The following AHCTF1 variants were observed in gnomAD, a reference collection of about 807,000 sequenced individuals.
AHCTF1 encodes protein ELYS.
A neutral mutation model predicts 248.4 loss-of-function variants in AHCTF1; 24 were observed. The ratio of observed to expected loss-of-function variants is 0.10; its 90% CI spans 0.07 to 0.14. The LOEUF is 0.14. Among genes scored for constraint, AHCTF1 ranks in the 10% least tolerant of loss-of-function variants. AHCTF1 has a pLI of 1.00. For missense variants in AHCTF1, 2,206 were observed against 2,636.2 expected, an observed-to-expected ratio of 0.84 and a Z score of 3.57; for synonymous variants, 786 against 929.8, an observed-to-expected ratio of 0.85 and a Z score of 2.81.
chr1:246,929,932 A>C (rs181257988), intron 1 of AHCTF1, among the ~76,000 whole-genome samples: 1 of 151,894 alleles, frequency 6.6e-6, no homozygotes, highest in Non-Finnish European at 1.5e-5. Flanking sequence ...TGCGCCTGTA[A>C]TCCCAGCTAC....
rs563750796 is a variant in AHCTF1 at position 246,873,205 on chromosome 1, C to T, written c.3088+2832G>A. ...TACTCTTGATATATTCAAACTTTCT[C>T]CCTTATAGAACTCTCTATACTCATT... On this transcript the variant is annotated intron_variant, in intron 24 of 35. Transcript: ENST00000648844. Among the ~76,000 whole-genome samples the T allele has an allele frequency of 2.6e-5, 4 of 152,282 alleles. No homozygotes were observed. The South Asian group carries it at 8.3e-4, about 32-fold the overall frequency.
intron 1 of AHCTF1, among the ~76,000 whole-genome samples, chr1:246,920,786 T>A (rs1260155510): frequency 2.2e-5 from 3 of 135,902 alleles, no homozygotes; most frequent in African/African-American, 5.6e-5. Flanking sequence ...AAAAAAAAAA[T>A]TATTAAACAA....
At chr1:246,844,336 G>T (rs1374729399) in intron 33 of AHCTF1, among the ~76,000 whole-genome samples, 1 of 152,178 alleles carries the variant, frequency 6.6e-6, no homozygotes, top group South Asian at 2.1e-4. Context: ...TACAAAGTAG[G>T]TTTTTTATTT....
At chr1:246,853,402 T>TATTA (rs2103048787) in intron 31 of AHCTF1, 103 bp from the exon 32 acceptor site, 1 of 878,326 alleles carries the variant, frequency 1.1e-6, no homozygotes, top group Admixed American at 3.0e-5. Context: ...TTGAATAGTG[T>TATTA]ATTAATAAAC....
chr1:246,854,677 G>A (rs1242891354), intron 31 of AHCTF1, among the ~76,000 whole-genome samples: 3 of 151,974 alleles, frequency 2.0e-5, no homozygotes, highest in Non-Finnish European at 4.4e-5. Context: ...TACATGCAAG[G>A]GGCTTAATCC....
At chr1:246,919,113 G>T (rs1029957166) in intron 1 of AHCTF1, among the ~76,000 whole-genome samples, 3 of 152,136 alleles carry the variant, frequency 2.0e-5, no homozygotes, top group Non-Finnish European at 4.4e-5. Flanking sequence ...AATACAGAAA[G>T]ATTTTAGCCA....
At position 246,849,688 on chromosome 1, in the gene AHCTF1, C is replaced by T; in HGVS notation, c.6318G>A (p.Leu2106=). 6 of 1,613,998 alleles carry T rather than the reference C, an allele frequency of 3.7e-6. No homozygotes were observed. Among genetic ancestry groups the T allele is most frequent in the Non-Finnish European group, 4.2e-6 (5 of 1,179,880 alleles). ...SSRTRSSKAI[L]LPDLSEPNNE... is the part of the protein sequence containing the mutation. ...TGTTTGGTTCAGAAAGGTCCGGCAA[C>T]AAGATGGCCTTGCTAGACCGAGTCC... Residue 2106 remains leucine, a synonymous_variant, in exon 33 of 36, where the codon TTG becomes TTA. Transcript: ENST00000648844.
chr1:246,843,325 T>G (rs897501914), intron 34 of AHCTF1, among the ~76,000 whole-genome samples: 1 of 152,246 alleles, frequency 6.6e-6, no homozygotes, highest in Non-Finnish European at 1.5e-5. Context: ...AGTTGAACTG[T>G]AGGTGCCTGA....
intron 24 of AHCTF1, among the ~76,000 whole-genome samples, chr1:246,874,424 T>G (rs905729694): frequency 6.6e-6 from 1 of 152,174 alleles, no homozygotes; most frequent in Admixed American, 6.5e-5. Context: ...CTAAACCTTT[T>G]GACTTATCTG....
intron 3 of AHCTF1, among the ~76,000 whole-genome samples, chr1:246,915,786 C>A (rs1666103697): frequency 6.6e-6 from 1 of 152,080 alleles, no homozygotes; most frequent in African/African-American, 2.4e-5. Flanking sequence ...GTAATGAATA[C>A]ATTTTTATAA....
rs1171610505 is a variant in AHCTF1, at chr1:246,885,749, A to G, written c.2473-69T>C. On this transcript the variant is annotated intron_variant, in intron 20 of 35. Transcript: ENST00000648844. ...ACATTTAGACAAAGTAGGTAAACCT[A>G]ACACTAAAAACCACAAAAATCCAGA... The G allele has an allele frequency of 2.2e-6, 3 of 1,371,932 alleles. No homozygotes were observed. The East Asian group carries it at 7.5e-5, about 34-fold the overall frequency. 85.0% of individuals were successfully genotyped at this position (1,371,932 alleles called of 1,614,324 possible).
chr1:246,868,947 C>A lies in AHCTF1; in HGVS notation c.3089-1136G>T, dbSNP rs535405377. On this transcript the variant is annotated intron_variant, in intron 24 of 35. Coordinates refer to ENST00000648844, the MANE Select transcript of AHCTF1 (RefSeq NM_001323342.2). Reference sequence around the variant, plus strand: ...GCAAGTTCTGCCTCCCGGGTTCACGCCATTCTCCTGCCTCAGCCTGCTGAG... The same window carrying A: ...GCAAGTTCTGCCTCCCGGGTTCACGACATTCTCCTGCCTCAGCCTGCTGAG... 9.2e-4 allele frequency among the ~76,000 whole-genome samples: 139 copies of A among 150,640 alleles called. 3 individuals are homozygous for A. The East Asian group carries it at 0.02, about 21-fold the overall frequency.
chr1:246,906,669 A>T (rs961804430), intron 5 of AHCTF1, among the ~76,000 whole-genome samples: 5 of 152,194 alleles, frequency 3.3e-5, no homozygotes, highest in Admixed American at 6.5e-5. Flanking sequence ...TACTCAATAA[A>T]ATATACCAGT....
At chr1:246,846,790 T>A (rs1462652553) in intron 33 of AHCTF1, among the ~76,000 whole-genome samples, 1 of 152,012 alleles carries the variant, frequency 6.6e-6, no homozygotes, top group South Asian at 2.1e-4. Context: ...GATCTCAATC[T>A]GTCACCTGGG....
intron 5 of AHCTF1, among the ~76,000 whole-genome samples, chr1:246,906,413 A>T (rs930348688): frequency 1.4e-5 from 2 of 142,550 alleles, no homozygotes; most frequent in Admixed American, 1.4e-4. Context: ...ATCCGTCTCT[A>T]AAAAAAAAAA....
chr1:246,885,084 G>T (rs1358748176), intron 21 of AHCTF1, among the ~76,000 whole-genome samples: 1 of 152,028 alleles, frequency 6.6e-6, no homozygotes. Flanking sequence ...TTTATTCAAG[G>T]TATTTATCTT....
At chr1:246,909,266 A>C (rs1665625580) in intron 4 of AHCTF1, among the ~76,000 whole-genome samples, 1 of 149,864 alleles carries the variant, frequency 6.7e-6, no homozygotes, top group East Asian at 2.0e-4. Flanking sequence ...AAAAAAAAAA[A>C]ATTGGCCGCA....
rs1434567713 is a variant in AHCTF1, at chr1:246,877,092, C to T, written c.2806-11G>A. Reference sequence around the variant, plus strand: ...TTTCACTAAACATTCCTAAAAAGAACAAAATAGATTGTAAACTACCAATTT... The same window carrying T: ...TTTCACTAAACATTCCTAAAAAGAATAAAATAGATTGTAAACTACCAATTT... On this transcript the variant is annotated splice_polypyrimidine_tract_variant and intron_variant, in intron 22 of 35. Coordinates refer to ENST00000648844, the MANE Select transcript of AHCTF1 (RefSeq NM_001323342.2). The T allele has an allele frequency of 3.1e-6, 5 of 1,612,248 alleles. No homozygotes were observed. The highest frequency in any genetic ancestry group is 4.2e-6 in the Non-Finnish European group (5 of 1,179,906).
rs1663033659 is a variant in AHCTF1 at position 246,877,179 on chromosome 1, T to C, written c.2784A>G (p.Leu928=). The C allele has an allele frequency of 5.6e-6, 9 of 1,612,836 alleles. No individual in the cohort carries two copies. The highest frequency in any genetic ancestry group is 7.6e-6 in the Non-Finnish European group (9 of 1,179,776). ...TTACCTGCTCAGTGTCTGTAAATGG[T>C]AACTTCAGTAAATCTTCCATCAAGC... ...EMGLMEDLLK[L]PFTDTEQECL... Residue 928 remains leucine (L), a synonymous_variant, in exon 22 of 36, where the codon TTA becomes TTG. Transcript: ENST00000648844.
Sources: gnomAD v4.1 joint callset for allele counts (sites outside exome capture counted in the v4.1 genomes callset) on GRCh38, gnomAD v4.1.1 for gene constraint, MANE v1.5 for transcripts, NCBI Gene and HGNC (gene_info 2026-07-23, HGNC 2026-07-21) for gene names.